Variants in HNF1B observed in about 807,000 individuals in gnomAD.
HNF1B encodes the protein hepatocyte nuclear factor 1-beta.
HNF1B carries 8 observed loss-of-function variants against 61.7 expected under a neutral mutation model. The ratio of observed to expected loss-of-function variants is 0.13; its 90% CI spans 0.08 to 0.23. The LOEUF is 0.23. Ranked by LOEUF, HNF1B falls within the 10% of genes least tolerant of loss-of-function variation. The probability of loss-of-function intolerance (pLI) is 1.00; values close to 1 mark genes in which losing one functional copy is unlikely to be tolerated. For missense variants in HNF1B, 562 were observed against 714.5 expected, an observed-to-expected ratio of 0.79 and a Z score of 2.43; for synonymous variants, 314 against 287.7, an observed-to-expected ratio of 1.09 and a Z score of -0.93.
Position 37,687,362 on chromosome 17 carries a change from T to C in HNF1B, c.*10A>G, listed in dbSNP as rs777005006. On this transcript the variant is annotated 3_prime_UTR_variant, in exon 9 of 9. Transcript: ENST00000617811. Reference sequence around the variant, plus strand: ...TTGTTGTTGCGCACGAAGTAAGTGGTGTGTGGGCATCACCAGGCTTGTAGA... The same window carrying C: ...TTGTTGTTGCGCACGAAGTAAGTGGCGTGTGGGCATCACCAGGCTTGTAGA... The C allele has an allele frequency of 9.9e-6, 16 of 1,613,894 alleles. No individual in the cohort carries two copies. Among genetic ancestry groups the C allele is most frequent in the Non-Finnish European group, 5.9e-6 (7 of 1,180,012 alleles).
chr17:37,701,792 C>T (rs1261490439), intron 6 of HNF1B, among the ~76,000 whole-genome samples: 4 of 152,122 alleles, frequency 2.6e-5, no homozygotes, highest in Admixed American at 6.5e-5. Context: ...GTCTGCGAGG[C>T]GGGCATATCT....
Position 37,699,324 on chromosome 17 carries a change from T to G in HNF1B, c.1535-130A>C, listed in dbSNP as rs1197658239. 5 of 763,066 alleles carry G rather than the reference T, an allele frequency of 6.6e-6. No individual in the cohort carries two copies. The East Asian group carries it at 1.2e-4, about 19-fold the overall frequency. The allele number at this position is 763,066 out of a possible 1,614,324, so 47.3% of individuals were successfully genotyped here. On this transcript the variant is annotated intron_variant, in intron 7 of 8. Transcript: ENST00000617811. ...AAGGGCTGGTGGTTATAGTGGGGAT[T>G]TCTCATATTAGTTATCCATAAGATT...
At chr17:37,721,423 C>T (rs1360200201) in intron 4 of HNF1B, among the ~76,000 whole-genome samples, 1 of 152,114 alleles carries the variant, frequency 6.6e-6, no homozygotes, top group Non-Finnish European at 1.5e-5. Flanking sequence ...AGTCCTGGGC[C>T]CCAAGACTGG....
At chr17:37,701,230 G>A (rs1390880677) in intron 6 of HNF1B, 53 bp from the exon 7 acceptor site, 9 of 1,508,516 alleles carry the variant, frequency 6.0e-6, no homozygotes, top group Non-Finnish European at 8.1e-6. Context: ...AAGGAGAGGT[G>A]GATGGATGCC....
intron 4 of HNF1B, among the ~76,000 whole-genome samples, chr17:37,712,356 G>A (rs984401587): frequency 1.9e-4 from 29 of 152,210 alleles, no homozygotes; most frequent in African/African-American, 7.0e-4. Context: ...GTCAACAGCC[G>A]GTGCCCAGGC....
chr17:37,744,648 G>A lies in HNF1B; in HGVS notation c.237C>T (p.Gly79=), dbSNP rs776896168. 24 of 1,612,808 alleles carry A rather than the reference G, an allele frequency of 1.5e-5. No individual in the cohort carries two copies. Among genetic ancestry groups the A allele is most frequent in the Non-Finnish European group, 1.9e-5 (22 of 1,180,030 alleles). The change falls in exon 1 of 9, where the codon GGC becomes GGT. Residue 79 remains glycine (G), a synonymous_variant. Coordinates refer to ENST00000617811, the MANE Select transcript of HNF1B (RefSeq NM_000458.4). ...HAKGRLSGDE[G]SEDGDDYDTP... The stretch of plus-strand genomic sequence containing the variant: ...TGTCATAGTCGTCGCCGTCCTCGGA[G>A]CCCTCGTCGCCGGACAAGCGGCCCT...
At chr17:37,708,733 C>A (rs1454357644) in intron 5 of HNF1B, among the ~76,000 whole-genome samples, 1 of 152,182 alleles carries the variant, frequency 6.6e-6, no homozygotes, top group African/African-American at 2.4e-5. Flanking sequence ...GGAGAAGAAT[C>A]TTTCTTAAGG....
chr17:37,741,835 G>A lies in HNF1B; in HGVS notation c.345-2196C>T, dbSNP rs143351554. On this transcript the variant is annotated intron_variant, in intron 1 of 8. Coordinates refer to ENST00000617811, the MANE Select transcript of HNF1B (RefSeq NM_000458.4). Reference sequence around the variant, plus strand: ...GTGAATTAGCCCAACAATTGGGGAGGGTTTAAAAAAAGCCCCCAAGAACCT... The same window carrying A: ...GTGAATTAGCCCAACAATTGGGGAGAGTTTAAAAAAAGCCCCCAAGAACCT... 6.4e-4 allele frequency among the ~76,000 whole-genome samples: 97 copies of A among 152,002 alleles called. 2 individuals carry two copies. In the East Asian group the frequency reaches 0.018, roughly 28 times the overall value.
chr17:37,697,828 C>A (rs374197327), intron 8 of HNF1B, among the ~76,000 whole-genome samples: 215 of 152,280 alleles, frequency 1.4e-3, no homozygotes, highest in African/African-American at 5.0e-3. Flanking sequence ...GCTCCAGAGC[C>A]CAGCTGCCCT....
chr17:37,744,133 G>A (rs1005476028), intron 1 of HNF1B, among the ~76,000 whole-genome samples: 3 of 152,244 alleles, frequency 2.0e-5, no homozygotes, highest in African/African-American at 7.2e-5. Flanking sequence ...GAGGCAGGGC[G>A]CAGGAAAAAT....
chr17:37,731,336 G>A (rs572435030), intron 4 of HNF1B: 4 of 610,780 alleles, frequency 6.5e-6, no homozygotes, highest in East Asian at 5.6e-5. Flanking sequence ...GGGAGAAGAA[G>A]AGGGAAGGAG....
intron 1 of HNF1B, among the ~76,000 whole-genome samples, chr17:37,740,539 A>G (rs76948316): frequency 0.01 from 1,571 of 152,306 alleles, 33 homozygotes; most frequent in African/African-American, 0.036. Context: ...TTAGCCAAAT[A>G]GTAAATAATT....
intron 8 of HNF1B, among the ~76,000 whole-genome samples, chr17:37,691,016 A>G (rs1226724434): frequency 6.6e-6 from 1 of 152,236 alleles, no homozygotes; most frequent in Non-Finnish European, 1.5e-5. Context: ...AATATTGGGA[A>G]GATGAGTTGC....
At chr17:37,740,680 A>G (rs2033967215) in intron 1 of HNF1B, among the ~76,000 whole-genome samples, 1 of 151,946 alleles carries the variant, frequency 6.6e-6, no homozygotes, top group Non-Finnish European at 1.5e-5. Context: ...GACAAAATCT[A>G]CTGGGCTAAT....
chr17:37,687,613 A>T (rs189754826), intron 8 of HNF1B, among the ~76,000 whole-genome samples: 2 of 152,310 alleles, frequency 1.3e-5, no homozygotes, highest in Non-Finnish European at 2.9e-5. Context: ...CTTCAGAAGA[A>T]AGAAGTGAAT....
At position 37,744,947 on chromosome 17, in the gene HNF1B, G is replaced by A. The variant is rs566088055; in HGVS notation, c.-63C>T. 6.1e-5 allele frequency: 86 copies of A among 1,398,686 alleles called. No homozygotes were observed. In the South Asian group the frequency reaches 7.9e-4, roughly 13 times the overall value. 86.6% of individuals were successfully genotyped at this position (1,398,686 alleles called of 1,614,324 possible). On this transcript the variant is annotated 5_prime_UTR_variant, in exon 1 of 9. Coordinates refer to ENST00000617811, the MANE Select transcript of HNF1B (RefSeq NM_000458.4). ...GTGGGTGCGAGAGAGGAGGGTGGAGGGGAGTTTCACAAGCAAACCCCAAAT... is the reference window on the plus strand; with the variant it reads ...GTGGGTGCGAGAGAGGAGGGTGGAGAGGAGTTTCACAAGCAAACCCCAAAT...
rs376816200 is a variant in HNF1B, at chr17:37,705,100, G to T, written c.1207-51C>A. ...AACATGGGTGGACTTGGACCACAAAGAGCAGTTTCCAACACGATGTGACTT... is the reference window on the plus strand; with the variant it reads ...AACATGGGTGGACTTGGACCACAAATAGCAGTTTCCAACACGATGTGACTT... On this transcript the variant is annotated intron_variant, in intron 5 of 8. Coordinates refer to ENST00000617811, the MANE Select transcript of HNF1B (RefSeq NM_000458.4). The T allele has an allele frequency of 9.7e-4, 1,530 of 1,578,516 alleles. 6 individuals are homozygous for T. The highest frequency in any genetic ancestry group is 1.2e-3 in the Non-Finnish European group (1,440 of 1,156,058).
intron 4 of HNF1B, among the ~76,000 whole-genome samples, chr17:37,711,181 G>A (rs2147475938): frequency 6.6e-6 from 1 of 152,334 alleles, no homozygotes; most frequent in Admixed American, 6.5e-5. Flanking sequence ...AAGAGCCGTA[G>A]CTTAGGCATC....
chr17:37,731,432 G>A, intron 4 of HNF1B, 163 bp downstream of exon 4: 1 of 726,230 alleles, frequency 1.4e-6, no homozygotes, highest in Non-Finnish European at 2.5e-6. Flanking sequence ...ACTGATCAGA[G>A]CCACACATTA....
Sources: allele counts gnomAD v4.1 joint callset (sites outside exome capture counted in the v4.1 genomes callset), GRCh38; gene constraint gnomAD v4.1.1; transcripts MANE v1.5; gene names NCBI Gene and HGNC (gene_info 2026-07-23, HGNC 2026-07-21).